The following FAM171A1 variants were observed in gnomAD, a reference collection of about 807,000 sequenced individuals.
FAM171A1 encodes protein FAM171A1.
Under a neutral mutation model 74.9 loss-of-function variants are expected in FAM171A1, and 23 were observed. The observed-to-expected ratio is 0.31, with a 90% CI of 0.22 to 0.44. The LOEUF is 0.44. Among genes scored for constraint, FAM171A1 ranks in the 20% least tolerant of loss-of-function variants. The pLI is 1.00. For synonymous variants in FAM171A1, 527 were observed against 505.7 expected (o/e 1.04, Z -0.57); for missense variants, 1,162 against 1,159.2 (o/e 1.00, Z -0.03).
intron 1 of FAM171A1, among the ~76,000 whole-genome samples, chr10:15,313,883 T>C (rs549871362): frequency 1.3e-5 from 2 of 152,330 alleles, no homozygotes; most frequent in African/African-American, 4.8e-5. Flanking sequence ...GTTGATCTGT[T>C]TCCTGCCAGG....
At chr10:15,329,629 A>T (rs1371014477) in intron 1 of FAM171A1, among the ~76,000 whole-genome samples, 15 of 196 alleles carry the variant, frequency 0.077, no homozygotes, top group South Asian at 0.5. Context: ...ATCTCACTTA[A>T]AAAAAAAAAA....
At chr10:15,371,404 C>T (rs1836147309), upstream of FAM171A1, among the ~76,000 whole-genome samples, 2 of 148,210 alleles carry the variant, frequency 1.3e-5, no homozygotes, top group African/African-American at 2.4e-5. Flanking sequence ...GCCGCTGCGT[C>T]GCGCCCCCAG....
At chr10:15,367,539 C>A (rs750032091) in intron 1 of FAM171A1, among the ~76,000 whole-genome samples, 1 of 152,292 alleles carries the variant, frequency 6.6e-6, no homozygotes, top group East Asian at 1.9e-4. Flanking sequence ...AGAAGTCATG[C>A]TCTTAATACA....
intron 1 of FAM171A1, among the ~76,000 whole-genome samples, chr10:15,369,213 A>AATAT (rs71505070): frequency 7.7e-4 from 112 of 145,772 alleles, no homozygotes; most frequent in Middle Eastern, 7.2e-3. Context: ...ATATATATTG[A>AATAT]ATATATATAT....
At chr10:15,297,349 G>A (rs1345569101) in intron 1 of FAM171A1, among the ~76,000 whole-genome samples, 4 of 152,098 alleles carry the variant, frequency 2.6e-5, no homozygotes, top group South Asian at 2.1e-4. Flanking sequence ...ATGAACCACC[G>A]CACCTGGCTG....
At chr10:15,266,283 C>T (rs1008647031) in intron 3 of FAM171A1, among the ~76,000 whole-genome samples, 3 of 152,152 alleles carry the variant, frequency 2.0e-5, no homozygotes, top group African/African-American at 4.8e-5. Context: ...GTCCCACCTG[C>T]GGCCACACTA....
intron 1 of FAM171A1, among the ~76,000 whole-genome samples, chr10:15,369,679 T>C (rs1047411101): frequency 2.0e-5 from 3 of 152,214 alleles, no homozygotes; most frequent in African/African-American, 4.8e-5. Context: ...CAACAGAGTG[T>C]TGGCAGAGCC....
chr10:15,349,058 G>A (rs1382471513), intron 1 of FAM171A1, among the ~76,000 whole-genome samples: 1 of 152,072 alleles, frequency 6.6e-6, no homozygotes. Context: ...TTTCACATTC[G>A]ATTTATATCC....
intron 1 of FAM171A1, among the ~76,000 whole-genome samples, chr10:15,336,471 C>T (rs1835701027): frequency 6.6e-6 from 1 of 152,106 alleles, no homozygotes; most frequent in African/African-American, 2.4e-5. Flanking sequence ...CAAAACCACA[C>T]ACAGTAACAT....
chr10:15,252,683 A>G (rs1336961998), intron 4 of FAM171A1, among the ~76,000 whole-genome samples: 1 of 152,338 alleles, frequency 6.6e-6, no homozygotes, highest in East Asian at 1.9e-4. Context: ...AAGAAAGCCT[A>G]GTCATTTCTA....
At chr10:15,248,933 G>T in intron 4 of FAM171A1, 118 bp from the exon 5 acceptor site, 2 of 914,068 alleles carry the variant, frequency 2.2e-6, no homozygotes, top group Non-Finnish European at 3.2e-6. Context: ...GGGACTGCAT[G>T]AAGCACTTTA....
At chr10:15,316,953 G>C (rs1318717843) in intron 1 of FAM171A1, among the ~76,000 whole-genome samples, 1 of 152,060 alleles carries the variant, frequency 6.6e-6, no homozygotes, top group African/African-American at 2.4e-5. Flanking sequence ...CCCCACAGTG[G>C]GTCCGGGTGA....
chr10:15,311,542 T>C (rs891313096), intron 1 of FAM171A1, among the ~76,000 whole-genome samples: 1 of 152,178 alleles, frequency 6.6e-6, no homozygotes, highest in Non-Finnish European at 1.5e-5. Context: ...GAGAAATAAA[T>C]TTAGCTTCAT....
chr10:15,255,783 GA>G (rs1834572831), intron 3 of FAM171A1, among the ~76,000 whole-genome samples: 1 of 151,896 alleles, frequency 6.6e-6, no homozygotes, highest in Non-Finnish European at 1.5e-5. Context: ...AAGTAGCTGG[GA>G]TTACAGGTGC....
chr10:15,320,115 C>CACCCTCCT (rs1835469195), intron 1 of FAM171A1, among the ~76,000 whole-genome samples: 1 of 152,128 alleles, frequency 6.6e-6, no homozygotes, highest in Admixed American at 6.5e-5. Context: ...TTTCTATCCT[C>CACCCTCCT]ACCCTCCTCC....
At chr10:15,277,643 G>A (rs1588529013) in intron 2 of FAM171A1, among the ~76,000 whole-genome samples, 1 of 152,336 alleles carries the variant, frequency 6.6e-6, no homozygotes, top group Admixed American at 6.5e-5. Flanking sequence ...TTTGAACTCT[G>A]GAGTTCTCAA....
chr10:15,369,472 G>C (rs911633422), intron 1 of FAM171A1, among the ~76,000 whole-genome samples: 1 of 152,088 alleles, frequency 6.6e-6, no homozygotes, highest in African/African-American at 2.4e-5. Flanking sequence ...TACACGAAGA[G>C]ACATATAGGT....
intron 1 of FAM171A1, among the ~76,000 whole-genome samples, chr10:15,367,601 C>A (rs935086280): frequency 6.6e-6 from 1 of 152,196 alleles, no homozygotes; most frequent in Non-Finnish European, 1.5e-5. Flanking sequence ...CCTTACATGG[C>A]TTCGTGGTCT....
chr10:15,261,981 G>A (rs1834663474), intron 3 of FAM171A1, among the ~76,000 whole-genome samples: 1 of 152,158 alleles, frequency 6.6e-6, no homozygotes, highest in African/African-American at 2.4e-5. Flanking sequence ...TGGGTGTGGT[G>A]GCGCATGCCT....
Sources: allele counts gnomAD v4.1 joint callset (sites outside exome capture counted in the v4.1 genomes callset), GRCh38; gene constraint gnomAD v4.1.1; transcripts MANE v1.5; gene names NCBI Gene and HGNC (gene_info 2026-07-23, HGNC 2026-07-21).